The following FMNL2 variants were observed in gnomAD, a reference collection of about 807,000 sequenced individuals.
The protein encoded by FMNL2 is formin-like protein 2.
FMNL2 carries 51 observed loss-of-function variants against 130.2 expected under a neutral mutation model. That is an observed-to-expected ratio of 0.39 (90% confidence interval 0.31 to 0.49). The LOEUF is 0.49. FMNL2 is among the 20% of genes least tolerant of loss of function. FMNL2 has a pLI of 0.85. For synonymous variants in FMNL2, 465 were observed against 467.1 expected, an observed-to-expected ratio of 1.00 and a Z score of 0.06; for missense variants, 977 against 1,316.2, an observed-to-expected ratio of 0.74 and a Z score of 3.99.
chr2:152,424,549 C>T lies in FMNL2; in HGVS notation c.117+88829C>T, dbSNP rs141259057. Among the ~76,000 whole-genome samples, 27 of 152,232 alleles carry T rather than the reference C, an allele frequency of 1.8e-4. No homozygotes were observed. The East Asian group carries it at 4.1e-3, about 23-fold the overall frequency. On this transcript the variant is annotated intron_variant, in intron 1 of 25. Transcript: ENST00000288670. ...GGGATTACAGGCGTGCGCCACCATG[C>T]GCGGCTAATTTTTATATTTTTAACA...
intron 1 of FMNL2, among the ~76,000 whole-genome samples, chr2:152,502,749 A>C (rs1178874265): frequency 2.6e-5 from 4 of 152,170 alleles, no homozygotes; most frequent in African/African-American, 9.7e-5. Context: ...TTGTGCGGAG[A>C]GTGGGAGAGG....
chr2:152,486,802 C>T (rs1427812103), intron 1 of FMNL2, among the ~76,000 whole-genome samples: 1 of 152,086 alleles, frequency 6.6e-6, no homozygotes, highest in Non-Finnish European at 1.5e-5. Flanking sequence ...TTATCAGATT[C>T]AGAATAAAAA....
At chr2:152,533,885 A>T (rs554191265) in intron 2 of FMNL2, among the ~76,000 whole-genome samples, 2 of 152,302 alleles carry the variant, frequency 1.3e-5, no homozygotes, top group South Asian at 4.1e-4. Context: ...ATATATTTTT[A>T]AAATGTTTCC....
At chr2:152,554,642 G>A (rs1695110538) in intron 4 of FMNL2, among the ~76,000 whole-genome samples, 1 of 152,172 alleles carries the variant, frequency 6.6e-6, no homozygotes, top group Admixed American at 6.5e-5. Flanking sequence ...TCAAACTGAC[G>A]GTGGTGAATA....
intron 9 of FMNL2, among the ~76,000 whole-genome samples, chr2:152,595,962 CTTTT>C (rs542948085): frequency 4.6e-5 from 6 of 131,864 alleles, no homozygotes; most frequent in Admixed American, 7.6e-5. Flanking sequence ...GCAAGGAAGT[CTTTT>C]TTTTTTTTTT....
chr2:152,367,526 C>A (rs767061055), intron 1 of FMNL2, among the ~76,000 whole-genome samples: 1 of 152,132 alleles, frequency 6.6e-6, no homozygotes, highest in African/African-American at 2.4e-5. Context: ...ATTTTGGCAT[C>A]AGAGAAGTCA....
At chr2:152,618,672 C>T (rs1699076853) in intron 13 of FMNL2, among the ~76,000 whole-genome samples, 174 bp from the exon 14 acceptor site, 1 of 152,184 alleles carries the variant, frequency 6.6e-6, no homozygotes, top group African/African-American at 2.4e-5. Context: ...ATATTACATG[C>T]ATTACTAGCA....
intron 1 of FMNL2, among the ~76,000 whole-genome samples, chr2:152,473,628 C>CA (rs1302946444): frequency 6.6e-6 from 1 of 151,920 alleles, no homozygotes. Context: ...ATATACTGTC[C>CA]AAAAAATCAA....
At chr2:152,501,979 T>C (rs796875316) in intron 1 of FMNL2, among the ~76,000 whole-genome samples, 3 of 152,362 alleles carry the variant, frequency 2.0e-5, no homozygotes, top group African/African-American at 7.2e-5. Flanking sequence ...GTTTTCACTG[T>C]TATGCCCTGT....
At position 152,453,262 on chromosome 2, in the gene FMNL2, A is replaced by AGTGG. The variant is rs1688751943; in HGVS notation, c.118-68681_118-68680insGTGG. On this transcript the variant is annotated intron_variant, in intron 1 of 25. Transcript: ENST00000288670. ...GAAAGAAAGAAAATACGGCTGAATG[A>AGTGG]AAGGTCAGGAGTGGATTCTGGGCCC... Among the ~76,000 whole-genome samples the AGTGG allele has an allele frequency of 3.6e-4, 54 of 152,052 alleles. 1 individual carries two copies. The highest frequency in any genetic ancestry group is 3.5e-3 in the Admixed American group (53 of 15,274).
intron 9 of FMNL2, among the ~76,000 whole-genome samples, chr2:152,604,797 T>A (rs1342762114): frequency 2.0e-5 from 3 of 152,070 alleles, no homozygotes; most frequent in Non-Finnish European, 2.9e-5. Flanking sequence ...GGTTTTACCA[T>A]GTTGGCCAGG....
chr2:152,427,234 A>G (rs1227661076), intron 1 of FMNL2, among the ~76,000 whole-genome samples: 1 of 152,202 alleles, frequency 6.6e-6, no homozygotes, highest in Non-Finnish European at 1.5e-5. Context: ...GTTTAAAAGC[A>G]GGAGAAGTTA....
chr2:152,601,676 T>C (rs1301359576), intron 9 of FMNL2, among the ~76,000 whole-genome samples: 6 of 145,914 alleles, frequency 4.1e-5, no homozygotes, highest in East Asian at 2.1e-4. Flanking sequence ...TCTTTCTTTT[T>C]TTTTTTTTTT....
intron 1 of FMNL2, among the ~76,000 whole-genome samples, chr2:152,486,386 A>G (rs946526936): frequency 3.3e-5 from 5 of 152,198 alleles, no homozygotes; most frequent in Admixed American, 6.5e-5. Context: ...TTAATAGACA[A>G]CTGGGGACTG....
At chr2:152,364,261 G>GTGTT (rs1173644376) in intron 1 of FMNL2, among the ~76,000 whole-genome samples, 7 of 24,456 alleles carry the variant, frequency 2.9e-4, no homozygotes, top group African/African-American at 8.9e-4. Flanking sequence ...AGGTTTGTGT[G>GTGTT]TTTTTTTTTT....
intron 1 of FMNL2, among the ~76,000 whole-genome samples, chr2:152,447,493 A>G (rs1174534319): frequency 6.6e-6 from 1 of 152,218 alleles, no homozygotes; most frequent in Non-Finnish European, 1.5e-5. Context: ...TTTGACAATT[A>G]CAGGAAGCAA....
intron 1 of FMNL2, among the ~76,000 whole-genome samples, chr2:152,467,238 C>T (rs954243942): frequency 1.8e-4 from 27 of 152,100 alleles, no homozygotes; most frequent in African/African-American, 2.7e-4. Flanking sequence ...GCACCTTATT[C>T]TTTTTTCTTG....
At chr2:152,390,213 C>T (rs549610175) in intron 1 of FMNL2, 12 of 1,442,656 alleles carry the variant, frequency 8.3e-6, no homozygotes, top group Middle Eastern at 1.8e-4. Flanking sequence ...TGTAAACTTC[C>T]GGCTGAAAGG....
intron 21 of FMNL2, among the ~76,000 whole-genome samples, chr2:152,634,386 CTG>C (rs1682405918): frequency 6.6e-6 from 1 of 152,266 alleles, no homozygotes; most frequent in East Asian, 1.9e-4. Context: ...TGAGCTGAGA[CTG>C]TACCACTTCA....
Sources: allele counts gnomAD v4.1 joint callset (sites outside exome capture counted in the v4.1 genomes callset), GRCh38; gene constraint gnomAD v4.1.1; transcripts MANE v1.5; gene names NCBI Gene and HGNC (gene_info 2026-07-23, HGNC 2026-07-21).